The following OR2J1 variants were observed in gnomAD, a reference collection of about 807,000 sequenced individuals.
The protein encoded by OR2J1 is olfactory receptor family 2 subfamily J member 1, also known as olfactory receptor 2J1.
Under a neutral mutation model 10.2 loss-of-function variants are expected in OR2J1, and 10 were observed. The observed-to-expected ratio is 0.98, with a 90% CI of 0.60 to 1.66. The LOEUF (loss-of-function observed/expected upper bound fraction) is 1.66. Ranked by LOEUF, OR2J1 falls within the 40% of genes most tolerant of loss-of-function variation. OR2J1 has a pLI of 0.00. For synonymous variants in OR2J1, 143 were observed against 138.8 expected, an observed-to-expected ratio of 1.03 and a Z score of -0.21; for missense variants, 317 against 379.4, an observed-to-expected ratio of 0.84 and a Z score of 1.37.
In OR2J1 at chr6:29,102,201, A is replaced by G. The variant is rs1581899165; in HGVS notation, c.*320A>G. ...AAAAATATTGGCAATATTTCTGACAATGTGCTAAATTATGAACTGACCATT... is the reference window on the plus strand; with the variant it reads ...AAAAATATTGGCAATATTTCTGACAGTGTGCTAAATTATGAACTGACCATT... On this transcript the variant is annotated 3_prime_UTR_variant, in exon 2 of 2. Transcript: ENST00000641659. 2.0e-5 allele frequency: 5 copies of G among 249,724 alleles called. No individual in the cohort carries two copies. The East Asian group carries it at 4.3e-4, about 21-fold the overall frequency. The allele number at this position is 249,724 out of a possible 1,614,324, so 15.5% of individuals were successfully genotyped here.
rs1761627522 is a variant in OR2J1, at chr6:29,101,665, A to G, written c.723A>G (p.Thr241=). 1.2e-6 allele frequency: 2 copies of G among 1,613,690 alleles called. No individual in the cohort carries two copies. Among genetic ancestry groups the G allele is most frequent in the African/African-American group, 2.7e-5 (2 of 75,030 alleles). Residue 241 remains threonine (T), a synonymous_variant, in exon 2 of 2, where the codon ACA becomes ACG. Transcript: ENST00000641659. The part of the protein sequence containing the change: ...STTGLQKVLR[T]CGAHLMVVSL... ...CTGGGCTTCAGAAAGTGCTTAGGAC[A>G]TGTGGAGCCCATCTTATGGTTGTAT...
Position 29,102,381 on chromosome 6 carries a change from G to A in OR2J1, c.*500G>A. 1 of 152,638 alleles carries A rather than the reference G, an allele frequency of 6.6e-6. No homozygotes were observed. The highest frequency in any genetic ancestry group is 1.5e-5 in the Non-Finnish European group (1 of 68,314). 9.5% of individuals were successfully genotyped at this position (152,638 alleles called of 1,614,324 possible). A position where few individuals can be genotyped will look rare whatever the true frequency, so the allele number is the denominator to read the frequency against. ...CCATTTATTATATGGTAAAGGATAT[G>A]TCATAATTTTTTGGTTGAAGTTCAC... On this transcript the variant is annotated 3_prime_UTR_variant, in exon 2 of 2. Transcript: ENST00000641659.
In OR2J1 at chr6:29,101,333, T is replaced by C. The variant is rs763080983; in HGVS notation, c.391T>C (p.Leu131=). ...TCGTTATGCAGCTGTGTGTAGACCT[T>C]TGCATTACACTGTCCTCATGCACCC... ...YDRYAAVCRP[L]HYTVLMHPRF... The change falls in exon 2 of 2, where the codon TTG becomes CTG. Residue 131 remains leucine (L), a synonymous_variant. Coordinates refer to ENST00000641659, the MANE Select transcript of OR2J1 (RefSeq NM_001348294.2). 12 of 1,602,634 alleles carry C rather than the reference T, an allele frequency of 7.5e-6. No homozygotes were observed. The South Asian group carries it at 1.2e-4, about 16-fold the overall frequency.
At position 29,101,517 on chromosome 6, in the gene OR2J1, A is replaced by G. The variant is rs760880798; in HGVS notation, c.575A>G (p.Asp192Gly). The G allele has an allele frequency of 1.9e-6, 3 of 1,542,500 alleles. No homozygotes were observed. The Admixed American group carries it at 5.0e-5, about 26-fold the overall frequency. ...VPALLRLSCV[D>G]TQANELTLMV... ...GCACTTCTGCGATTATCATGTGTTGATACCCAGGCAAATGAGCTGACCCTC... is the reference window on the plus strand; with the variant it reads ...GCACTTCTGCGATTATCATGTGTTGGTACCCAGGCAAATGAGCTGACCCTC... The change falls in exon 2 of 2, where the codon GAT (aspartate) becomes GGT (glycine). Residue 192 changes from aspartate (D) to glycine (G), a missense_variant. Coordinates refer to ENST00000641659, the MANE Select transcript of OR2J1 (RefSeq NM_001348294.2).
rs1243533621 is a variant in OR2J1, at chr6:29,101,509, A to T, written c.567A>T (p.Ser189=). ...FCEVPALLRL[S]CVDTQANELT... is the part of the protein sequence containing the mutation. ...AAGTTCCAGCACTTCTGCGATTATCATGTGTTGATACCCAGGCAAATGAGC... is the reference window on the plus strand; with the variant it reads ...AAGTTCCAGCACTTCTGCGATTATCTTGTGTTGATACCCAGGCAAATGAGC... The change falls in exon 2 of 2, where the codon TCA becomes TCT. Residue 189 remains serine (S), a synonymous_variant. Transcript: ENST00000641659. 4 of 1,529,200 alleles carry T rather than the reference A, an allele frequency of 2.6e-6. No homozygotes were observed. The Admixed American group carries it at 5.0e-5, about 19-fold the overall frequency. 94.7% of individuals were successfully genotyped at this position (1,529,200 alleles called of 1,614,324 possible).
chr6:29,100,976 T>C lies in OR2J1; in HGVS notation c.34T>C (p.Phe12Leu). ...LMKKNASFEDFFLLLGFSNWP... is the reference protein window; with the variant it reads ...LMKKNASFEDLFLLLGFSNWP... Reference sequence around the variant, plus strand: ...GAAAAAAAATGCAAGTTTTGAAGACTTCTTTCTTCTACTTGGATTTTCTAA... The same window carrying C: ...GAAAAAAAATGCAAGTTTTGAAGACCTCTTTCTTCTACTTGGATTTTCTAA... The change falls in exon 2 of 2, where the codon TTC (phenylalanine) becomes CTC (leucine). Residue 12 changes from phenylalanine (F) to leucine (L), a missense_variant. Physicochemically the swap from Phe to Leu is conservative, Grantham distance 22. Coordinates refer to ENST00000641659, the MANE Select transcript of OR2J1 (RefSeq NM_001348294.2). 7.2e-7 allele frequency: 1 copy of C among 1,394,804 alleles called. No individual in the cohort carries two copies. Among genetic ancestry groups the C allele is most frequent in the South Asian group, 1.2e-5 (1 of 85,430 alleles). The allele number at this position is 1,394,804 out of a possible 1,614,324, so 86.4% of individuals were successfully genotyped here.
rs143840212 is a variant in OR2J1 at position 29,101,194 on chromosome 6, G to A, written c.252G>A (p.Val84=). The A allele has an allele frequency of 6.3e-7, 1 of 1,594,492 alleles. No individual in the cohort carries two copies. ...YTTSSIPQLL[V]NLWGPEKTIS... is the part of the protein sequence containing the mutation. ...CCAGCTCTATCCCTCAGTTGCTGGT[G>A]AATCTCTGGGGCCCGGAAAAGACCA... Residue 84 remains valine, a synonymous_variant, in exon 2 of 2, where the codon GTG becomes GTA. Transcript: ENST00000641659.
chr6:29,099,569 T>G lies in OR2J1; in HGVS notation c.-473T>G, dbSNP rs181384185. On this transcript the variant is annotated 5_prime_UTR_variant, in exon 1 of 2. Transcript: ENST00000641659. ...CATTAGCAAAAGTATCCACAACATT[T>G]GAGTTCAAGTATCTTACAGAATATT... is the stretch of plus-strand genomic sequence containing the variant. The G allele has an allele frequency of 7.9e-5, 12 of 152,308 alleles. No individual in the cohort carries two copies. In the East Asian group the frequency reaches 2.3e-3, roughly 29 times the overall value. 9.4% of individuals were successfully genotyped at this position (152,308 alleles called of 1,614,324 possible).
At position 29,102,682 on chromosome 6, in the gene OR2J1, A is replaced by G. The variant is rs1239821485; in HGVS notation, c.*801A>G. On this transcript the variant is annotated 3_prime_UTR_variant, in exon 2 of 2. Transcript: ENST00000641659. ...AAGATAAAAGATGAAGTATCTGTAC[A>G]TGGCTTAATTTGTCACTGGGGTTAA... 6.6e-6 allele frequency: 1 copy of G among 152,230 alleles called. No individual in the cohort carries two copies. The highest frequency in any genetic ancestry group is 1.5e-5 in the Non-Finnish European group (1 of 68,022). The allele number at this position is 152,230 out of a possible 1,614,324, so 9.4% of individuals were successfully genotyped here.
chr6:29,100,899 T>C lies in OR2J1; in HGVS notation c.-44T>C. On this transcript the variant is annotated 5_prime_UTR_variant, in exon 2 of 2. Transcript: ENST00000641659. ...AGCAGTTGGCAATGCATGGACAGAC[T>C]TTGAGTTTATGCGATTCTTTCTTTA... is the stretch of plus-strand genomic sequence containing the variant. The C allele has an allele frequency of 1.1e-6, 1 of 904,636 alleles. No homozygotes were observed. Among genetic ancestry groups the C allele is most frequent in the Non-Finnish European group, 1.8e-6 (1 of 559,156 alleles). The allele number at this position is 904,636 out of a possible 1,614,324, so 56.0% of individuals were successfully genotyped here. A position where few individuals can be genotyped will look rare whatever the true frequency, so the allele number is the denominator to read the frequency against.
Position 29,101,274 on chromosome 6 carries a change from CAG to C in OR2J1, c.335_336del (p.Glu112ValfsTer10), listed in dbSNP as rs1761587593. On this transcript the variant is annotated frameshift_variant, in exon 2 of 2. Transcript: ENST00000641659. LOFTEE classifies it low-confidence loss of function (END_TRUNC). Reference sequence around the variant, plus strand: ...TACTTTGTTCTCGCACTGGGAACCGCAGAGTGTGTCCTACTGGTGGTGATGTC... The same window carrying C: ...TACTTTGTTCTCGCACTGGGAACCGCAGTGTGTCCTACTGGTGGTGATGTC... 6.2e-7 allele frequency: 1 copy of C among 1,600,662 alleles called. No homozygotes were observed. Among genetic ancestry groups the C allele is most frequent in the South Asian group, 1.1e-5 (1 of 90,762 alleles).
chr6:29,101,476 C>T lies in OR2J1; in HGVS notation c.534C>T (p.Phe178=), dbSNP rs1179527006. The T allele has an allele frequency of 2.7e-6, 4 of 1,504,314 alleles. No homozygotes were observed. The highest frequency in any genetic ancestry group is 3.7e-6 in the Non-Finnish European group (4 of 1,078,630). The allele number at this position is 1,504,314 out of a possible 1,614,324, so 93.2% of individuals were successfully genotyped here. A position where few individuals can be genotyped will look rare whatever the true frequency, so the allele number is the denominator to read the frequency against. The part of the protein sequence containing the change: ...PLCRHRLVDH[F]FCEVPALLRL... ...GTAGACATCGCCTAGTGGATCACTT[C>T]TTCTGTGAAGTTCCAGCACTTCTGC... is the stretch of plus-strand genomic sequence containing the variant. The change falls in exon 2 of 2, where the codon TTC becomes TTT. Residue 178 remains phenylalanine (F), a synonymous_variant. Transcript: ENST00000641659.
Position 29,101,812 on chromosome 6 carries a change from C to A in OR2J1, c.870C>A (p.Ile290=). The part of the protein sequence containing the change: ...TVVTPSLNPL[I]YTFRNKDVRG... ...TCACACCTAGTCTTAACCCTCTAAT[C>A]TACACTTTCAGAAACAAGGATGTAA... The change falls in exon 2 of 2, where the codon ATC becomes ATA. Residue 290 remains isoleucine, a synonymous_variant. Transcript: ENST00000641659. 6.3e-7 allele frequency: 1 copy of A among 1,588,876 alleles called. No homozygotes were observed.
Position 29,101,047 on chromosome 6 carries a change from C to T in OR2J1, c.105C>T (p.Phe35=). ...TTCTCTTTGTGGTTATCTTGATCTT[C>T]TACTTGATAACACTGATAGGAAACC... ...EVVLFVVILI[F]YLITLIGNLF... The change falls in exon 2 of 2, where the codon TTC becomes TTT. Residue 35 remains phenylalanine, a synonymous_variant. Coordinates refer to ENST00000641659, the MANE Select transcript of OR2J1 (RefSeq NM_001348294.2). 1 of 1,520,372 alleles carries T rather than the reference C, an allele frequency of 6.6e-7. No individual in the cohort carries two copies. The allele number at this position is 1,520,372 out of a possible 1,614,324, so 94.2% of individuals were successfully genotyped here. A position where few individuals can be genotyped will look rare whatever the true frequency, so the allele number is the denominator to read the frequency against.
rs1761555530 is a variant in OR2J1 at position 29,100,928 on chromosome 6, A to G, written c.-15A>G. 3.8e-6 allele frequency: 4 copies of G among 1,061,214 alleles called. No individual in the cohort carries two copies. The highest frequency in any genetic ancestry group is 5.8e-6 in the Non-Finnish European group (4 of 687,418). The allele number at this position is 1,061,214 out of a possible 1,614,324, so 65.7% of individuals were successfully genotyped here. On this transcript the variant is annotated 5_prime_UTR_variant, in exon 2 of 2. Coordinates refer to ENST00000641659, the MANE Select transcript of OR2J1 (RefSeq NM_001348294.2). ...AGTTTATGCGATTCTTTCTTTAGGT[A>G]CAGGAAAAATAAGAATGTTGATGAA...
rs776865669 is a variant in OR2J1, at chr6:29,101,592, C to G, written c.650C>G (p.Thr217Ser). ...CTCATACCTCTCATCCTCATCCTCACTTCCTATGGTGCCATTGCCCGGGCT... is the reference window on the plus strand; with the variant it reads ...CTCATACCTCTCATCCTCATCCTCAGTTCCTATGGTGCCATTGCCCGGGCT... ...FVLIPLILIL[T>S]SYGAIARAVL... The change falls in exon 2 of 2, where the codon ACT (threonine) becomes AGT (serine). Residue 217 changes from threonine to serine, a missense_variant. By Grantham distance (58) the Thr-to-Ser change is moderately conservative. Coordinates refer to ENST00000641659, the MANE Select transcript of OR2J1 (RefSeq NM_001348294.2). 1 of 1,610,248 alleles carries G rather than the reference C, an allele frequency of 6.2e-7. No individual in the cohort carries two copies. The highest frequency in any genetic ancestry group is 1.7e-5 in the Admixed American group (1 of 60,010).
rs764060682 is a variant in OR2J1, at chr6:29,101,341, C to T, written c.399C>T (p.Tyr133=). The T allele has an allele frequency of 1.2e-6, 2 of 1,602,108 alleles. No homozygotes were observed. Among genetic ancestry groups the T allele is most frequent in the Non-Finnish European group, 1.7e-6 (2 of 1,169,024 alleles). ...CAGCTGTGTGTAGACCTTTGCATTACACTGTCCTCATGCACCCTCGTTTCT... is the reference window on the plus strand; with the variant it reads ...CAGCTGTGTGTAGACCTTTGCATTATACTGTCCTCATGCACCCTCGTTTCT... The part of the protein sequence containing the change: ...RYAAVCRPLH[Y]TVLMHPRFCR... The change falls in exon 2 of 2, where the codon TAC becomes TAT. Residue 133 remains tyrosine, a synonymous_variant. Coordinates refer to ENST00000641659, the MANE Select transcript of OR2J1 (RefSeq NM_001348294.2).
chr6:29,101,526 C>T lies in OR2J1; in HGVS notation c.584C>T (p.Ala195Val), dbSNP rs1444348990. Residue 195 changes from alanine to valine, a missense_variant, in exon 2 of 2, where the codon GCA becomes GTA. By Grantham distance (64) the Ala-to-Val change is moderately conservative. Coordinates refer to ENST00000641659, the MANE Select transcript of OR2J1 (RefSeq NM_001348294.2). ...CGATTATCATGTGTTGATACCCAGG[C>T]AAATGAGCTGACCCTCATGGTCATG... ...LLRLSCVDTQ[A>V]NELTLMVMSS... is the part of the protein sequence containing the mutation. 1.3e-6 allele frequency: 2 copies of T among 1,559,420 alleles called. No individual in the cohort carries two copies. The highest frequency in any genetic ancestry group is 2.2e-5 in the East Asian group (1 of 44,604).
chr6:29,100,051 AT>A (rs1327572696), intron 1 of OR2J1, among the ~76,000 whole-genome samples, 193 bp downstream of exon 1: 1 of 152,172 alleles, frequency 6.6e-6, no homozygotes, highest in East Asian at 1.9e-4. Context: ...AGCATATAAA[AT>A]TTTTTAGAAA....
Sources: allele counts gnomAD v4.1 joint callset (sites outside exome capture counted in the v4.1 genomes callset), GRCh38; gene constraint gnomAD v4.1.1; transcripts MANE v1.5; gene names NCBI Gene and HGNC (gene_info 2026-07-23, HGNC 2026-07-21).